Variants in ZC3H7B observed in about 807,000 individuals in gnomAD.
ZC3H7B encodes the protein zinc finger CCCH-type containing 7B.
ZC3H7B carries 35 observed loss-of-function variants against 116.0 expected under a neutral mutation model. The ratio of observed to expected loss-of-function variants is 0.30; its 90% confidence interval spans 0.23 to 0.40. ZC3H7B has a LOEUF of 0.40. Among genes scored for constraint, ZC3H7B ranks in the 10% least tolerant of loss-of-function variants. The pLI is 1.00. For missense variants in ZC3H7B, 1,011 were observed against 1,321.5 expected (o/e 0.77, Z 3.64); for synonymous variants, 502 against 545.6 (o/e 0.92, Z 1.11).
At chr22:41,345,955 G>T (rs1260483299) in intron 13 of ZC3H7B, 48 bp from the exon 14 acceptor site, 1 of 1,600,544 alleles carries the variant, frequency 6.2e-7, no homozygotes, top group Admixed American at 1.7e-5. Flanking sequence ...GGTGCTGCGG[G>T]CTGCTATCCC....
At chr22:41,340,957 T>C in intron 10 of ZC3H7B, 131 bp from the exon 11 acceptor site, 1 of 791,936 alleles carries the variant, frequency 1.3e-6, no homozygotes, top group Non-Finnish European at 2.0e-6. Context: ...AGTCAGGGGT[T>C]CAGCAGGAGT....
chr22:41,308,896 TC>T (rs2036081422), intron 1 of ZC3H7B, among the ~76,000 whole-genome samples: 1 of 151,878 alleles, frequency 6.6e-6, no homozygotes, highest in African/African-American at 2.4e-5. Flanking sequence ...CTGTGCCCTG[TC>T]CCCTGCTAGG....
rs769959901 is a variant in ZC3H7B at position 41,341,197 on chromosome 22, T to C, written c.1197+51T>C. The C allele has an allele frequency of 1.2e-5, 20 of 1,608,882 alleles. No individual in the cohort carries two copies. The South Asian group carries it at 2.2e-4, about 18-fold the overall frequency. ...GCCTCTCATTCCCTGCTGGGGGTTG[T>C]GGGTTCTAGAGTTGGGGAATGAGCC... On this transcript the variant is annotated intron_variant, in intron 11 of 22. Coordinates refer to ENST00000352645, the MANE Select transcript of ZC3H7B (RefSeq NM_017590.6).
chr22:41,318,402 G>A (rs974253253), intron 1 of ZC3H7B, among the ~76,000 whole-genome samples: 55 of 151,924 alleles, frequency 3.6e-4, no homozygotes, highest in African/African-American at 1.2e-3. Flanking sequence ...GGTGGCAGGC[G>A]CCTGTAGTCC....
At position 41,322,074 on chromosome 22, in the gene ZC3H7B, C is replaced by T. The variant is rs187547310; in HGVS notation, c.53+1361C>T. Reference sequence around the variant, plus strand: ...TGGGATGGTCTCGATCTCCTGACCTCGTGATCCGCCCGCCTCGGCCTCCCA... The same window carrying T: ...TGGGATGGTCTCGATCTCCTGACCTTGTGATCCGCCCGCCTCGGCCTCCCA... On this transcript the variant is annotated intron_variant, in intron 2 of 22. Coordinates refer to ENST00000352645, the MANE Select transcript of ZC3H7B (RefSeq NM_017590.6). Among the ~76,000 whole-genome samples, 332 of 149,602 alleles carry T rather than the reference C, an allele frequency of 2.2e-3. 3 individuals carry two copies. The highest frequency in any genetic ancestry group is 0.018 in the Middle Eastern group (5 of 284).
At chr22:41,356,966 G>A (rs1402590680) in intron 22 of ZC3H7B, among the ~76,000 whole-genome samples, 158 bp downstream of exon 22, 1 of 152,154 alleles carries the variant, frequency 6.6e-6, no homozygotes, top group African/African-American at 2.4e-5. Flanking sequence ...AGGGTGGATG[G>A]GAGGGCTGGG....
chr22:41,345,133 A>G (rs2036568469), intron 13 of ZC3H7B, among the ~76,000 whole-genome samples: 1 of 152,134 alleles, frequency 6.6e-6, no homozygotes, highest in African/African-American at 2.4e-5. Flanking sequence ...AGCTTTATGT[A>G]TTATCTCACT....
intron 17 of ZC3H7B, among the ~76,000 whole-genome samples, chr22:41,355,217 A>G (rs189540153): frequency 6.6e-6 from 1 of 152,322 alleles, no homozygotes; most frequent in African/African-American, 2.4e-5. Context: ...TGCAGCATCC[A>G]CAAAGCAGGC....
At chr22:41,350,509 G>A (rs1054182387) in intron 16 of ZC3H7B, among the ~76,000 whole-genome samples, 1 of 152,148 alleles carries the variant, frequency 6.6e-6, no homozygotes, top group African/African-American at 2.4e-5. Flanking sequence ...GGAGGTGGGA[G>A]AAGTGGTTAG....
In ZC3H7B at chr22:41,338,289, G is replaced by A. The variant is rs577212012; in HGVS notation, c.583-24G>A. On this transcript the variant is annotated intron_variant, in intron 7 of 22. Coordinates refer to ENST00000352645, the MANE Select transcript of ZC3H7B (RefSeq NM_017590.6). This position sits in a 1 kb window ranked among gnomAD's most constrained non-coding sequence, Gnocchi z 4.5. Reference sequence around the variant, plus strand: ...GGATCGGGGCCTTCCCAGCCACAGCGCCACTGTGGCCCTCTCCCCACAGGG... The same window carrying A: ...GGATCGGGGCCTTCCCAGCCACAGCACCACTGTGGCCCTCTCCCCACAGGG... The A allele has an allele frequency of 1.5e-5, 24 of 1,609,670 alleles. No individual in the cohort carries two copies. Among genetic ancestry groups the A allele is most frequent in the Admixed American group, 3.3e-5 (2 of 59,738 alleles).
intron 2 of ZC3H7B, among the ~76,000 whole-genome samples, chr22:41,321,652 A>G (rs1467261222): frequency 1.3e-5 from 2 of 151,854 alleles, no homozygotes; most frequent in Admixed American, 6.6e-5. Flanking sequence ...TGCCTGGCCA[A>G]TCCATCATCT....
chr22:41,348,595 C>T (rs2036618348), intron 15 of ZC3H7B, among the ~76,000 whole-genome samples: 1 of 152,200 alleles, frequency 6.6e-6, no homozygotes, highest in Non-Finnish European at 1.5e-5. Flanking sequence ...TGGCACCACC[C>T]CTTTCTCCCT....
chr22:41,328,206 C>T (rs2036341278), intron 5 of ZC3H7B, among the ~76,000 whole-genome samples: 1 of 151,222 alleles, frequency 6.6e-6, no homozygotes, highest in East Asian at 2.0e-4. Context: ...ACAACAGATC[C>T]ACACCTAGGT....
rs559904509 is a variant in ZC3H7B at position 41,337,538 on chromosome 22, G to GC, written c.583-775_583-774insC. Among the ~76,000 whole-genome samples, 320 of 152,326 alleles carry GC rather than the reference G, an allele frequency of 2.1e-3. 2 individuals carry two copies. Among genetic ancestry groups the GC allele is most frequent in the Middle Eastern group, 6.8e-3 (2 of 294 alleles). On this transcript the variant is annotated intron_variant, in intron 7 of 22. Transcript: ENST00000352645. The stretch of plus-strand genomic sequence containing the variant: ...AGGAAGGCAGTGGGATCCCACCTGG[G>GC]TTTATGCCCTTCTCTGCTTCCTGGG...
At chr22:41,323,036 A>G (rs148170479) in intron 2 of ZC3H7B, among the ~76,000 whole-genome samples, 6 of 152,284 alleles carry the variant, frequency 3.9e-5, no homozygotes, top group Non-Finnish European at 8.8e-5. Flanking sequence ...TATTGACACA[A>G]CACATTCTCC....
chr22:41,340,181 C>T (rs752390242), intron 10 of ZC3H7B, 44 bp downstream of exon 10: 1 of 1,545,072 alleles, frequency 6.5e-7, no homozygotes, highest in Admixed American at 1.8e-5. Context: ...GGACAGGTTG[C>T]ACAGTGCTGT....
intron 2 of ZC3H7B, among the ~76,000 whole-genome samples, chr22:41,322,958 T>A (rs1011383769): frequency 6.6e-6 from 1 of 152,204 alleles, no homozygotes; most frequent in African/African-American, 2.4e-5. Context: ...CTCACCCATG[T>A]CACCGCAGAC....
chr22:41,354,071 G>C (rs1214858055), intron 17 of ZC3H7B, among the ~76,000 whole-genome samples: 1 of 152,192 alleles, frequency 6.6e-6, no homozygotes, highest in African/African-American at 2.4e-5. Flanking sequence ...CTTGCCACCT[G>C]CTATGGCAAG....
At chr22:41,321,931 C>T (rs2036262382) in intron 2 of ZC3H7B, among the ~76,000 whole-genome samples, 1 of 145,388 alleles carries the variant, frequency 6.9e-6, no homozygotes, top group Admixed American at 6.8e-5. Context: ...GCTCCGCCTC[C>T]CGGGTTCACG....
Sources: allele counts gnomAD v4.1 joint callset (sites outside exome capture counted in the v4.1 genomes callset), GRCh38; gene constraint gnomAD v4.1.1; non-coding constraint Gnocchi (gnomAD v3.1); transcripts MANE v1.5; gene names NCBI Gene and HGNC (gene_info 2026-07-23, HGNC 2026-07-21).